LRRC20: variants seen among roughly 807,000 people sequenced by gnomAD.
LRRC20 encodes leucine-rich repeat-containing protein 20.
In LRRC20, 11 loss-of-function variants were observed where a neutral mutation model predicts 14.4. The observed-to-expected ratio is 0.77, with a 90% CI of 0.48 to 1.27. LRRC20 has a LOEUF of 1.27. LRRC20 is among the 50% of genes most tolerant of loss of function. The pLI is 0.00. For synonymous variants in LRRC20, 121 were observed against 107.3 expected (o/e 1.13, Z -0.79); for missense variants, 219 against 251.2 (o/e 0.87, Z 0.87).
intron 4 of LRRC20, among the ~76,000 whole-genome samples, chr10:70,317,039 T>A (rs1406834407): frequency 1.3e-5 from 2 of 152,176 alleles, no homozygotes; most frequent in Non-Finnish European, 2.9e-5. Flanking sequence ...CAGGGGGCAA[T>A]CCGAACTCCA....
In LRRC20 at chr10:70,301,316, G is replaced by A. The variant is rs1415686273; in HGVS notation, c.*38C>T. Reference sequence around the variant, plus strand: ...TCCCTTCCAGGGTTCCAGGCCTGTGGCCTCTGCCCCTTGCTGGGTGGGCAT... The same window carrying A: ...TCCCTTCCAGGGTTCCAGGCCTGTGACCTCTGCCCCTTGCTGGGTGGGCAT... On this transcript the variant is annotated 3_prime_UTR_variant, in exon 5 of 5. Transcript: ENST00000446961. 6.3e-7 allele frequency: 1 copy of A among 1,594,140 alleles called. No homozygotes were observed. Among genetic ancestry groups the A allele is most frequent in the East Asian group, 2.2e-5 (1 of 44,680 alleles).
intron 3 of LRRC20, among the ~76,000 whole-genome samples, chr10:70,335,808 A>G (rs1842711076): frequency 6.6e-6 from 1 of 152,188 alleles, no homozygotes. Flanking sequence ...CACTGTCCCA[A>G]AGATGCTTTA....
intron 3 of LRRC20, among the ~76,000 whole-genome samples, chr10:70,337,310 G>C (rs1341064608): frequency 6.6e-6 from 1 of 152,200 alleles, no homozygotes; most frequent in Non-Finnish European, 1.5e-5. Context: ...CTCAGGCCCA[G>C]AGCCATCTCT....
intron 4 of LRRC20, among the ~76,000 whole-genome samples, chr10:70,321,664 A>G (rs1842078867): frequency 6.6e-6 from 1 of 152,190 alleles, no homozygotes; most frequent in Admixed American, 6.5e-5. Context: ...AGCCCCTGGC[A>G]TTTCCATATC....
At chr10:70,338,017 G>T (rs1451343081) in intron 3 of LRRC20, among the ~76,000 whole-genome samples, 1 of 152,164 alleles carries the variant, frequency 6.6e-6, no homozygotes, top group Non-Finnish European at 1.5e-5. Flanking sequence ...ATCCCAATTG[G>T]CTGAGTACAG....
intron 4 of LRRC20, among the ~76,000 whole-genome samples, chr10:70,307,681 A>G (rs1320028968): frequency 1.3e-5 from 2 of 152,198 alleles, no homozygotes; most frequent in East Asian, 1.9e-4. Flanking sequence ...GCTTCACATG[A>G]TAGTTGAGAG....
At chr10:70,358,685 A>G (rs1401403361) in intron 2 of LRRC20, among the ~76,000 whole-genome samples, 1 of 152,238 alleles carries the variant, frequency 6.6e-6, no homozygotes, top group African/African-American at 2.4e-5. Context: ...GCAGTCTAGA[A>G]TGCCCCTCCC....
At chr10:70,367,251 G>A (rs1844041237) in intron 2 of LRRC20, among the ~76,000 whole-genome samples, 1 of 151,346 alleles carries the variant, frequency 6.6e-6, no homozygotes, top group African/African-American at 2.4e-5. Context: ...TTGAGCCCAG[G>A]GGGCGGAGGC....
At chr10:70,333,240 G>C (rs1386081253) in intron 3 of LRRC20, among the ~76,000 whole-genome samples, 1 of 152,144 alleles carries the variant, frequency 6.6e-6, no homozygotes, top group Non-Finnish European at 1.5e-5. Context: ...GGTGTTCCAG[G>C]TGTACCCTCC....
intron 3 of LRRC20, among the ~76,000 whole-genome samples, chr10:70,332,793 G>C (rs898492252): frequency 1.3e-5 from 2 of 152,220 alleles, no homozygotes; most frequent in African/African-American, 4.8e-5. Flanking sequence ...ATTTACATAG[G>C]CATGGAATAT....
At chr10:70,332,326 T>C (rs980936245) in intron 3 of LRRC20, among the ~76,000 whole-genome samples, 3 of 152,194 alleles carry the variant, frequency 2.0e-5, no homozygotes, top group African/African-American at 7.2e-5. Flanking sequence ...TAAAATGAAG[T>C]ACTAAACATT....
At chr10:70,342,657 C>A (rs976323075) in intron 2 of LRRC20, among the ~76,000 whole-genome samples, 7 of 152,154 alleles carry the variant, frequency 4.6e-5, no homozygotes, top group Admixed American at 1.3e-4. Flanking sequence ...ACTAACAAAG[C>A]GCCTAGAAGA....
chr10:70,365,650 C>T (rs1434470855), intron 2 of LRRC20, among the ~76,000 whole-genome samples: 1 of 152,130 alleles, frequency 6.6e-6, no homozygotes, highest in African/African-American at 2.4e-5. Context: ...ATGATTGTGC[C>T]TGTGAACAGC....
At chr10:70,303,243 T>G (rs931780939) in intron 4 of LRRC20, among the ~76,000 whole-genome samples, 1 of 152,186 alleles carries the variant, frequency 6.6e-6, no homozygotes, top group Non-Finnish European at 1.5e-5. Flanking sequence ...GAAATTCTTC[T>G]TAACTATGGG....
At chr10:70,372,748 GT>G (rs1844349248) in intron 2 of LRRC20, among the ~76,000 whole-genome samples, 2 of 151,986 alleles carry the variant, frequency 1.3e-5, no homozygotes, top group African/African-American at 4.8e-5. Context: ...GGCCGAGAAT[GT>G]GCCAGTCTTT....
chr10:70,367,328 C>CAAA (rs71472959), intron 2 of LRRC20, among the ~76,000 whole-genome samples: 70,150 of 117,248 alleles, frequency 0.6, 21,966 homozygotes, highest in East Asian at 0.87. Context: ...GACCCGGTCT[C>CAAA]AAAAAAAAAA....
chr10:70,303,308 A>G (rs1841287970), intron 4 of LRRC20, among the ~76,000 whole-genome samples: 1 of 152,154 alleles, frequency 6.6e-6, no homozygotes, highest in Non-Finnish European at 1.5e-5. Flanking sequence ...GTCCCTAAAG[A>G]AGCAGACATG....
Position 70,340,605 on chromosome 10 carries a change from G to T in LRRC20, c.180C>A (p.Asn60Lys). Residue 60 changes from asparagine to lysine, a missense_variant, in exon 3 of 5, where the codon AAC becomes AAA. Transcript: ENST00000446961. ...GQIHLITLANNELKSLTSKFM... is the reference protein window; with the variant it reads ...GQIHLITLANKELKSLTSKFM... ...ACTTGCTGGTGAGGGACTTAAGCTCGTTGTTAGCCAGGGTGATGAGGTGGA... is the reference window on the plus strand; with the variant it reads ...ACTTGCTGGTGAGGGACTTAAGCTCTTTGTTAGCCAGGGTGATGAGGTGGA... 1.9e-6 allele frequency: 3 copies of T among 1,614,196 alleles called. No homozygotes were observed. The highest frequency in any genetic ancestry group is 2.5e-6 in the Non-Finnish European group (3 of 1,180,030).
At chr10:70,349,281 AG>A (rs1244291214) in intron 2 of LRRC20, among the ~76,000 whole-genome samples, 1 of 152,250 alleles carries the variant, frequency 6.6e-6, no homozygotes, top group Non-Finnish European at 1.5e-5. Context: ...GTCCCATTCA[AG>A]TTAATAAGCG....
Sources: gnomAD v4.1 joint callset for allele counts (sites outside exome capture counted in the v4.1 genomes callset) on GRCh38, gnomAD v4.1.1 for gene constraint, MANE v1.5 for transcripts, NCBI Gene and HGNC (gene_info 2026-07-23, HGNC 2026-07-21) for gene names.